The following EYA2 variants were observed in gnomAD, a reference collection of about 807,000 sequenced individuals.
EYA2 encodes the protein protein phosphatase EYA2.
A neutral mutation model predicts 69.2 loss-of-function variants in EYA2; 31 were observed. The observed-to-expected ratio is 0.45, with a 90% CI of 0.34 to 0.60. EYA2 has a LOEUF of 0.60. EYA2 is among the 20% of genes least tolerant of loss of function. The pLI, the probability that EYA2 is intolerant of heterozygous loss-of-function variation, is 0.02. For missense variants in EYA2, 622 were observed against 701.2 expected, an observed-to-expected ratio of 0.89 and a Z score of 1.28; for synonymous variants, 257 against 279.4, an observed-to-expected ratio of 0.92 and a Z score of 0.80.
At chr20:46,908,328 C>G (rs1984463949) in intron 1 of EYA2, among the ~76,000 whole-genome samples, 1 of 152,116 alleles carries the variant, frequency 6.6e-6, no homozygotes, top group Non-Finnish European at 1.5e-5. Flanking sequence ...AGAACATGCC[C>G]AGGGGAGGCG....
chr20:46,949,841 G>GCCACTTAC (rs1157927493), intron 1 of EYA2, among the ~76,000 whole-genome samples: 2 of 152,244 alleles, frequency 1.3e-5, no homozygotes, highest in Non-Finnish European at 2.9e-5. Flanking sequence ...CCTTGGCTGT[G>GCCACTTAC]CCACTTACCC....
intron 1 of EYA2, among the ~76,000 whole-genome samples, chr20:46,955,636 C>G (rs6066134): frequency 0.18 from 27,134 of 152,054 alleles, 2,872 homozygotes; most frequent in Non-Finnish European, 0.24. Flanking sequence ...ATATAAAAAT[C>G]ATCCACAAAT....
intron 9 of EYA2, among the ~76,000 whole-genome samples, chr20:47,138,045 C>T (rs895814274): frequency 1.3e-5 from 2 of 151,304 alleles, no homozygotes; most frequent in Non-Finnish European, 2.9e-5. Flanking sequence ...TGCTAAATGA[C>T]GAGTTAATGG....
chr20:46,896,349 C>G (rs1347000771), intron 1 of EYA2, among the ~76,000 whole-genome samples: 1 of 151,834 alleles, frequency 6.6e-6, no homozygotes, highest in Non-Finnish European at 1.5e-5. Flanking sequence ...AAGCACCTTA[C>G]CAGACTATGA....
chr20:47,151,837 C>T (rs1301019093), intron 10 of EYA2, among the ~76,000 whole-genome samples: 1 of 152,028 alleles, frequency 6.6e-6, no homozygotes, highest in Admixed American at 6.5e-5. Flanking sequence ...AACATGTCCA[C>T]TGTGTTCACT....
At chr20:46,981,739 TG>T (rs1980845884) in intron 1 of EYA2, among the ~76,000 whole-genome samples, 1 of 152,186 alleles carries the variant, frequency 6.6e-6, no homozygotes, top group Non-Finnish European at 1.5e-5. Flanking sequence ...AAAATCTATT[TG>T]GGGTATTGTG....
intron 5 of EYA2, among the ~76,000 whole-genome samples, chr20:47,034,184 C>T (rs1193608073): frequency 6.6e-6 from 1 of 152,120 alleles, no homozygotes; most frequent in Non-Finnish European, 1.5e-5. Flanking sequence ...CATTTGTTCC[C>T]TATGTATTTT....
At chr20:47,065,709 A>G (rs2031083881) in intron 5 of EYA2, among the ~76,000 whole-genome samples, 1 of 152,224 alleles carries the variant, frequency 6.6e-6, no homozygotes, top group Admixed American at 6.5e-5. Context: ...TATTTATCTC[A>G]GACTGGTAAT....
At chr20:46,955,197 C>T (rs1979047386) in intron 1 of EYA2, among the ~76,000 whole-genome samples, 2 of 148,954 alleles carry the variant, frequency 1.3e-5, no homozygotes, top group Admixed American at 6.7e-5. Flanking sequence ...AGTGCAATGG[C>T]GCGATCTCGG....
At chr20:47,017,940 A>G (rs1983509482) in intron 5 of EYA2, among the ~76,000 whole-genome samples, 2 of 152,320 alleles carry the variant, frequency 1.3e-5, no homozygotes, top group Middle Eastern at 3.4e-3. Context: ...TGCAAAGCCC[A>G]TCGCTGTAAC....
chr20:47,014,159 C>T (rs1983257264), intron 4 of EYA2, among the ~76,000 whole-genome samples: 2 of 152,168 alleles, frequency 1.3e-5, no homozygotes, highest in South Asian at 4.1e-4. Flanking sequence ...CCCATCATTT[C>T]ACAAGAAAGG....
intron 5 of EYA2, among the ~76,000 whole-genome samples, chr20:47,064,792 A>G (rs938573935): frequency 1.1e-4 from 17 of 152,172 alleles, no homozygotes; most frequent in African/African-American, 3.9e-4. Context: ...CACCTTAGAG[A>G]GTAGACAGCA....
At chr20:47,085,317 G>T (rs1336267998) in intron 7 of EYA2, among the ~76,000 whole-genome samples, 1 of 152,044 alleles carries the variant, frequency 6.6e-6, no homozygotes, top group African/African-American at 2.4e-5. Flanking sequence ...AACAAATTCT[G>T]ATGTATCCAT....
chr20:46,975,614 A>G (rs1980410149), intron 1 of EYA2, among the ~76,000 whole-genome samples: 1 of 152,198 alleles, frequency 6.6e-6, no homozygotes, highest in Non-Finnish European at 1.5e-5. Context: ...TTTACATGCG[A>G]TCAAGAATGA....
At chr20:46,897,131 C>G (rs1473056372) in intron 1 of EYA2, among the ~76,000 whole-genome samples, 1 of 152,144 alleles carries the variant, frequency 6.6e-6, no homozygotes, top group Non-Finnish European at 1.5e-5. Context: ...TACCATTTGG[C>G]AAAAACGCCC....
chr20:47,110,355 G>T (rs1169781190), intron 9 of EYA2, among the ~76,000 whole-genome samples: 1 of 152,174 alleles, frequency 6.6e-6, no homozygotes, highest in Non-Finnish European at 1.5e-5. Context: ...AATCCTCTCA[G>T]CTCAGCCTCT....
At chr20:47,095,048 C>T (rs1184585847) in intron 8 of EYA2, among the ~76,000 whole-genome samples, 2 of 151,836 alleles carry the variant, frequency 1.3e-5, no homozygotes, top group Non-Finnish European at 2.9e-5. Context: ...CAATAAAGGC[C>T]AAGGTAAATA....
chr20:46,954,261 G>A (rs1253853532), intron 1 of EYA2, among the ~76,000 whole-genome samples: 1 of 152,134 alleles, frequency 6.6e-6, no homozygotes, highest in Non-Finnish European at 1.5e-5. Flanking sequence ...TCTCCAGGGG[G>A]ACTGAGACAT....
In EYA2 at chr20:47,188,387, G is replaced by A. The variant is rs184863725; in HGVS notation, c.*254G>A. 2 of 583,100 alleles carry A rather than the reference G, an allele frequency of 3.4e-6. No homozygotes were observed. Among genetic ancestry groups the A allele is most frequent in the African/African-American group, 3.7e-5 (2 of 53,834 alleles). 36.1% of individuals were successfully genotyped at this position (583,100 alleles called of 1,614,324 possible). A position where few individuals can be genotyped will look rare whatever the true frequency, so the allele number is the denominator to read the frequency against. Reference sequence around the variant, plus strand: ...GCTGGCTCGGAGTCTAGACTCTTCTGTAAGACTCACAGAACAAAAGCAAGG... The same window carrying A: ...GCTGGCTCGGAGTCTAGACTCTTCTATAAGACTCACAGAACAAAAGCAAGG... On this transcript the variant is annotated 3_prime_UTR_variant, in exon 16 of 16. Transcript: ENST00000327619.
Sources: allele counts gnomAD v4.1 joint callset (sites outside exome capture counted in the v4.1 genomes callset), GRCh38; gene constraint gnomAD v4.1.1; transcripts MANE v1.5; gene names NCBI Gene and HGNC (gene_info 2026-07-23, HGNC 2026-07-21).